TOGARAM2: variants seen among roughly 807,000 people sequenced by gnomAD.
TOGARAM2 encodes the protein TOG array regulator of axonemal microtubules protein 2.
Under a neutral mutation model 93.3 loss-of-function variants are expected in TOGARAM2, and 85 were observed. That is an observed-to-expected ratio of 0.91 (90% CI 0.76 to 1.09). TOGARAM2 has a LOEUF of 1.09. Among genes scored for constraint, TOGARAM2 ranks in the 50% least tolerant of loss-of-function variants. The pLI, the probability that TOGARAM2 is intolerant of heterozygous loss-of-function variation, is 0.00. For missense variants in TOGARAM2, 1,277 were observed against 1,334.5 expected, an observed-to-expected ratio of 0.96 and a Z score of 0.67; for synonymous variants, 593 against 552.8, an observed-to-expected ratio of 1.07 and a Z score of -1.02.
At chr2:28,986,132 A>C (rs1225538766) in intron 1 of TOGARAM2, among the ~76,000 whole-genome samples, 1 of 150,214 alleles carries the variant, frequency 6.7e-6, no homozygotes, top group Non-Finnish European at 1.5e-5. Flanking sequence ...AAAAAAAAAG[A>C]TGTAGTGTGA....
chr2:29,008,858 G>T (rs1664043072), intron 6 of TOGARAM2, among the ~76,000 whole-genome samples: 1 of 152,208 alleles, frequency 6.6e-6, no homozygotes, highest in African/African-American at 2.4e-5. Context: ...GCCAGGATTG[G>T]TACCTGGCAT....
chr2:29,005,919 A>T (rs567024317), intron 6 of TOGARAM2, among the ~76,000 whole-genome samples: 4 of 140,234 alleles, frequency 2.9e-5, no homozygotes, highest in African/African-American at 5.6e-5. Context: ...GTGTAAGTGC[A>T]TGTGTGTGGA....
At chr2:28,982,027 A>AC (rs1044295314) in intron 1 of TOGARAM2, among the ~76,000 whole-genome samples, 5 of 149,862 alleles carry the variant, frequency 3.3e-5, no homozygotes, top group South Asian at 2.1e-4. Flanking sequence ...TTGAATTCTA[A>AC]CCCCCCCTCT....
chr2:28,959,856 GTTGTTAGGTGAAA>G (rs1400698140), intron 1 of TOGARAM2, among the ~76,000 whole-genome samples: 1 of 152,234 alleles, frequency 6.6e-6, no homozygotes, highest in Non-Finnish European at 1.5e-5. Flanking sequence ...TCTGAAAGAT[GTTGTTAGGTGAAA>G]TTGTGTCATT....
chr2:28,999,156 C>T (rs1345501367), intron 3 of TOGARAM2, 25 bp from the exon 4 acceptor site: 1 of 1,583,258 alleles, frequency 6.3e-7, no homozygotes, highest in Non-Finnish European at 8.6e-7. Context: ...GCGTGCCAAG[C>T]CATTCACACC....
At chr2:29,025,149 C>T (rs1272367723) in intron 13 of TOGARAM2, among the ~76,000 whole-genome samples, 1 of 152,156 alleles carries the variant, frequency 6.6e-6, no homozygotes, top group Non-Finnish European at 1.5e-5. Context: ...CCATAGCATA[C>T]TGCAAAGGGT....
At chr2:29,011,672 G>A (rs1214806368) in intron 7 of TOGARAM2, among the ~76,000 whole-genome samples, 171 bp downstream of exon 7, 1 of 152,178 alleles carries the variant, frequency 6.6e-6, no homozygotes, top group Non-Finnish European at 1.5e-5. Flanking sequence ...GGGTGGCAGC[G>A]GGCCCGGGCG....
At chr2:29,001,856 C>CTTTTTTT (rs11324817) in intron 4 of TOGARAM2, among the ~76,000 whole-genome samples, 1 of 147,566 alleles carries the variant, frequency 6.8e-6, no homozygotes. Context: ...AAATGCTAGT[C>CTTTTTTT]TTTTTTTTTT....
Position 29,052,018 on chromosome 2 carries a change from C to T in TOGARAM2, c.2985C>T (p.Ser995=), listed in dbSNP as rs370448652. ...TAGACTCAGAGTCCTTGGGAGGCAG[C>T]CGCAAGGCCACTGACAGAGGGGTGG... ...ELLDSESLGG[S]RKATDRGVAP... The change falls in exon 20 of 20, where the codon AGC becomes AGT. Residue 995 remains serine (S), a synonymous_variant. Coordinates refer to ENST00000379558, the MANE Select transcript of TOGARAM2 (RefSeq NM_199280.4). 92 of 1,611,908 alleles carry T rather than the reference C, an allele frequency of 5.7e-5. No individual in the cohort carries two copies. Among genetic ancestry groups the T allele is most frequent in the Non-Finnish European group, 7.2e-5 (85 of 1,179,236 alleles).
chr2:28,957,772 A>T (rs1671748073), intron 1 of TOGARAM2, among the ~76,000 whole-genome samples: 1 of 152,174 alleles, frequency 6.6e-6, no homozygotes, highest in African/African-American at 2.4e-5. Flanking sequence ...TAGGATAGGG[A>T]AGGAGTAGGG....
chr2:28,998,433 G>A (rs1459647274), intron 3 of TOGARAM2, among the ~76,000 whole-genome samples, 180 bp downstream of exon 3: 1 of 152,216 alleles, frequency 6.6e-6, no homozygotes, highest in Non-Finnish European at 1.5e-5. Flanking sequence ...GTGCCTCAGA[G>A]GTTGGAGGTG....
At chr2:29,023,240 C>T in intron 12 of TOGARAM2, 49 bp downstream of exon 12, 1 of 1,425,288 alleles carries the variant, frequency 7.0e-7, no homozygotes, top group Non-Finnish European at 9.7e-7. Context: ...ACTGCAGCTG[C>T]TGGATGCAGT....
chr2:28,965,199 G>A (rs1671851408), intron 1 of TOGARAM2, among the ~76,000 whole-genome samples: 1 of 151,994 alleles, frequency 6.6e-6, no homozygotes, highest in South Asian at 2.1e-4. Flanking sequence ...GTGGGGTTTT[G>A]TTTTTTTATC....
chr2:28,971,887 T>C (rs947720619), intron 1 of TOGARAM2, among the ~76,000 whole-genome samples: 3 of 152,208 alleles, frequency 2.0e-5, no homozygotes, highest in Non-Finnish European at 4.4e-5. Context: ...TGAAACAGAT[T>C]ATAGCAGAGT....
chr2:28,968,635 C>T lies in TOGARAM2; in HGVS notation c.-147+11938C>T, dbSNP rs981269897. On this transcript the variant is annotated intron_variant, in intron 1 of 6. Coordinates refer to the TOGARAM2 transcript ENST00000401723. ...CAGCCTGGGCAACATGGCAAAACTC[C>T]GTCTCTATTGAAAATACAAAAAATA... Among the ~76,000 whole-genome samples the T allele has an allele frequency of 1.4e-4, 21 of 151,968 alleles. 1 individual carries two copies. Among genetic ancestry groups the T allele is most frequent in the Non-Finnish European group, 2.5e-4 (17 of 67,958 alleles).
chr2:29,009,097 TTCAGAGA>T (rs1664058140), intron 6 of TOGARAM2, among the ~76,000 whole-genome samples: 1 of 152,160 alleles, frequency 6.6e-6, no homozygotes, highest in African/African-American at 2.4e-5. Flanking sequence ...CAAGGTGAAG[TTCAGAGA>T]GGTGGGTGCG....
intron 6 of TOGARAM2, 91 bp from the exon 7 acceptor site, chr2:29,011,347 GTCCCCCATCTCGGCCAT>G: frequency 1.1e-6 from 1 of 894,902 alleles, no homozygotes; most frequent in Non-Finnish European, 1.7e-6. Flanking sequence ...CGTCCCCTCT[GTCCCCCATCTCGGCCAT>G]TGCCCCATCC....
Position 29,032,981 on chromosome 2 carries a change from T to C in TOGARAM2, c.2060T>C (p.Phe687Ser). 6.2e-7 allele frequency: 1 copy of C among 1,613,976 alleles called. No individual in the cohort carries two copies. The highest frequency in any genetic ancestry group is 1.1e-5 in the South Asian group (1 of 91,028). Residue 687 changes from phenylalanine (F) to serine (S), a missense_variant, in exon 15 of 20, where the codon TTT becomes TCT. Phe to Ser is a radical substitution (Grantham distance 155, BLOSUM62 -2). Transcript: ENST00000379558. ...MVNILMANTK[F>S]DAFLKQSLPS... is the part of the protein sequence containing the mutation. ...AATATCTTGATGGCGAACACTAAGT[T>C]TGATGCATTTCTGAAGCAATCTCTC... is the stretch of plus-strand genomic sequence containing the variant.
In TOGARAM2 at chr2:29,002,665, A is replaced by AG. The variant is rs781480711; in HGVS notation, c.559dup (p.Ala187GlyfsTer39). On this transcript the variant is annotated frameshift_variant, in exon 5 of 20. Coordinates refer to ENST00000379558, the MANE Select transcript of TOGARAM2 (RefSeq NM_199280.4). LOFTEE classifies it high-confidence loss of function. ...ATCCAGAGCATCCCTACCACCCCTGAGGCCAGCGGAGTCAAAGAGAAGGGC... is the reference window on the plus strand; with the variant it reads ...ATCCAGAGCATCCCTACCACCCCTGAGGGCCAGCGGAGTCAAAGAGAAGGGC... 1.9e-6 allele frequency: 3 copies of AG among 1,614,004 alleles called. No individual in the cohort carries two copies. Among genetic ancestry groups the AG allele is most frequent in the Non-Finnish European group, 2.5e-6 (3 of 1,179,868 alleles).
Sources: allele counts gnomAD v4.1 joint callset (sites outside exome capture counted in the v4.1 genomes callset), GRCh38; gene constraint gnomAD v4.1.1; transcripts MANE v1.5; gene names NCBI Gene and HGNC (gene_info 2026-07-23, HGNC 2026-07-21).